The following ZDHHC7 variants were observed in gnomAD, a reference collection of about 807,000 sequenced individuals.
The protein encoded by ZDHHC7 is palmitoyltransferase ZDHHC7.
ZDHHC7 carries 12 observed loss-of-function variants against 34.1 expected under a neutral mutation model. That is an observed-to-expected ratio of 0.35 (90% CI 0.23 to 0.57). ZDHHC7 has a LOEUF of 0.57. ZDHHC7 is among the 20% of genes least tolerant of loss of function. The pLI is 0.84. For missense variants in ZDHHC7, 388 were observed against 402.7 expected (o/e 0.96, Z 0.31); for synonymous variants, 185 against 155.4 (o/e 1.19, Z -1.42).
chr16:84,976,762 G>A (rs181576839), intron 7 of ZDHHC7, among the ~76,000 whole-genome samples: 220 of 152,328 alleles, frequency 1.4e-3, no homozygotes, highest in Non-Finnish European at 2.9e-3. Context: ...AACATTTGTC[G>A]CTCGTTAGTT....
upstream of ZDHHC7, among the ~76,000 whole-genome samples, chr16:85,015,502 G>A (rs2072830422): frequency 6.6e-6 from 1 of 152,160 alleles, no homozygotes; most frequent in African/African-American, 2.4e-5. Context: ...TCAACAGAAT[G>A]TAGACTTTCC....
chr16:84,989,658 C>A (rs1480475930), intron 3 of ZDHHC7, among the ~76,000 whole-genome samples: 2 of 142,594 alleles, frequency 1.4e-5, no homozygotes, highest in Non-Finnish European at 3.0e-5. Context: ...TCGCACATTG[C>A]ACTCCAGCCT....
In ZDHHC7 at chr16:84,997,651, T is replaced by C. The variant is rs1227728345; in HGVS notation, c.-103-1644A>G. On this transcript the variant is annotated intron_variant, in intron 1 of 7. Coordinates refer to ENST00000313732, the MANE Select transcript of ZDHHC7 (RefSeq NM_017740.3). ...GGCTCACGCCTGTAACCCCAGCACT[T>C]TGGGAGGCTGAGGTGGGCGGATCAC... Among the ~76,000 whole-genome samples the C allele has an allele frequency of 3.3e-5, 5 of 150,418 alleles. No individual in the cohort carries two copies. The South Asian group carries it at 1.1e-3, about 32-fold the overall frequency.
chr16:85,019,527 G>A, the ZDHHC7 span, among the ~76,000 whole-genome samples: 1 of 152,114 alleles, frequency 6.6e-6, no homozygotes, highest in African/African-American at 2.4e-5. Context: ...AGACCAGCCT[G>A]GCCAATATGG....
chr16:84,993,111 C>A (rs967253276), intron 2 of ZDHHC7, among the ~76,000 whole-genome samples: 1 of 152,030 alleles, frequency 6.6e-6, no homozygotes, highest in African/African-American at 2.4e-5. Flanking sequence ...TCATTTGAGC[C>A]CAGAAGTTTG....
At position 84,982,827 on chromosome 16, in the gene ZDHHC7, C is replaced by T. The variant is rs539165577; in HGVS notation, c.316-833G>A. The stretch of plus-strand genomic sequence containing the variant: ...AGGAGCTGGAGAAGATGAGCAATGG[C>T]GAAGCAGCGGAAAGAGGAGTTGGGG... On this transcript the variant is annotated intron_variant, in intron 3 of 7. Coordinates refer to ENST00000313732, the MANE Select transcript of ZDHHC7 (RefSeq NM_017740.3). Among the ~76,000 whole-genome samples, 3 of 152,262 alleles carry T rather than the reference C, an allele frequency of 2.0e-5. No homozygotes were observed. The South Asian group carries it at 6.2e-4, about 32-fold the overall frequency.
chr16:85,009,740 GCT>G (rs1226447146), intron 1 of ZDHHC7, among the ~76,000 whole-genome samples: 3 of 113,444 alleles, frequency 2.6e-5, no homozygotes, highest in Non-Finnish European at 5.1e-5. Flanking sequence ...ACGGAGTCTT[GCT>G]CTGTCGCCCA....
chr16:85,003,138 C>G (rs976333712), intron 1 of ZDHHC7, among the ~76,000 whole-genome samples: 1 of 152,064 alleles, frequency 6.6e-6, no homozygotes, highest in African/African-American at 2.4e-5. Flanking sequence ...ACCTCAGAGT[C>G]CAGGGGGCAG....
At chr16:84,990,209 T>C (rs1182237219) in intron 3 of ZDHHC7, 95 bp downstream of exon 3, 9 of 1,395,192 alleles carry the variant, frequency 6.5e-6, no homozygotes, top group East Asian at 2.3e-5. Context: ...CATGTCAATA[T>C]GTCCCTGTGC....
the ZDHHC7 span, among the ~76,000 whole-genome samples, chr16:85,023,622 C>G: frequency 1.3e-5 from 2 of 151,786 alleles, no homozygotes; most frequent in East Asian, 2.0e-4. Flanking sequence ...CAAAGTATTT[C>G]TTTGTTTGTT....
At chr16:85,000,756 A>G (rs1163389544) in intron 1 of ZDHHC7, among the ~76,000 whole-genome samples, 11 of 152,200 alleles carry the variant, frequency 7.2e-5, no homozygotes, top group Admixed American at 2.0e-4. Flanking sequence ...GCATCCAAGC[A>G]CGTACTCTGT....
chr16:84,992,981 A>G lies in ZDHHC7; in HGVS notation c.-17-2346T>C, dbSNP rs572836811. ...CTGACTGGTACAAGAGCAAAATGAA[A>G]TTGTTTTCCAAAGTCAGTAAAATAG... On this transcript the variant is annotated intron_variant, in intron 2 of 7. Transcript: ENST00000313732. 2.6e-5 allele frequency among the ~76,000 whole-genome samples: 4 copies of G among 152,328 alleles called. No individual in the cohort carries two copies. The South Asian group carries it at 8.3e-4, about 32-fold the overall frequency.
At chr16:85,005,752 G>A (rs970396904) in intron 1 of ZDHHC7, among the ~76,000 whole-genome samples, 2 of 152,152 alleles carry the variant, frequency 1.3e-5, no homozygotes, top group Non-Finnish European at 2.9e-5. Context: ...CCCTCCTCAC[G>A]CAGTGCTGCA....
chr16:84,982,072 C>G, intron 3 of ZDHHC7, 78 bp from the exon 4 acceptor site: 1 of 1,576,422 alleles, frequency 6.3e-7, no homozygotes, highest in Non-Finnish European at 8.7e-7. Flanking sequence ...TGGGTCACAC[C>G]TGTAATCCCA....
the ZDHHC7 span, among the ~76,000 whole-genome samples, chr16:85,016,716 T>C: frequency 1.3e-5 from 2 of 151,924 alleles, no homozygotes; most frequent in Non-Finnish European, 2.9e-5. Context: ...CACCTCAGCC[T>C]CCCAAAGTGC....
chr16:84,998,357 G>A (rs1396720305), intron 1 of ZDHHC7, among the ~76,000 whole-genome samples: 1 of 152,036 alleles, frequency 6.6e-6, no homozygotes, highest in Non-Finnish European at 1.5e-5. Flanking sequence ...AAGGGCGCAA[G>A]CAGATCTCCT....
intron 1 of ZDHHC7, among the ~76,000 whole-genome samples, chr16:84,996,672 C>T (rs2143682829): frequency 6.6e-6 from 1 of 152,238 alleles, no homozygotes; most frequent in African/African-American, 2.4e-5. Context: ...AGTCAGGGGC[C>T]ACAGGGAAAC....
chr16:85,024,528 G>A, the ZDHHC7 span, among the ~76,000 whole-genome samples: 2,320 of 152,288 alleles, frequency 0.015, 27 homozygotes, highest in Non-Finnish European at 0.024. Flanking sequence ...ACGGTGCCCG[G>A]ACAGAATATT....
chr16:84,978,151 C>G, intron 5 of ZDHHC7, 146 bp from the exon 6 acceptor site: 1 of 559,078 alleles, frequency 1.8e-6, no homozygotes, highest in East Asian at 3.3e-5. Context: ...GATTCTCCTG[C>G]CTCAGCCTCT....
Sources: allele counts gnomAD v4.1 joint callset (sites outside exome capture counted in the v4.1 genomes callset), GRCh38; gene constraint gnomAD v4.1.1; transcripts MANE v1.5; gene names NCBI Gene and HGNC (gene_info 2026-07-23, HGNC 2026-07-21).